Variants in GRAMD1A observed in about 807,000 individuals in gnomAD.
The protein encoded by GRAMD1A is protein Aster-A.
Under a neutral mutation model 92.0 loss-of-function variants are expected in GRAMD1A, and 50 were observed. The observed-to-expected ratio is 0.54, with a 90% CI of 0.43 to 0.69. GRAMD1A has a LOEUF of 0.69. Ranked by LOEUF, GRAMD1A falls within the 30% of genes least tolerant of loss-of-function variation. The pLI is 0.00. For synonymous variants in GRAMD1A, 405 were observed against 403.6 expected (o/e 1.00, Z -0.04); for missense variants, 819 against 978.9 (o/e 0.84, Z 2.18).
chr19:35,013,661 T>G lies in GRAMD1A; in HGVS notation c.840T>G (p.Leu280=), dbSNP rs755955235. The G allele has an allele frequency of 2.5e-6, 4 of 1,612,656 alleles. No homozygotes were observed. The highest frequency in any genetic ancestry group is 3.4e-6 in the Non-Finnish European group (4 of 1,179,426). Residue 280 remains leucine (L), a synonymous_variant, in exon 9 of 20, where the codon CTT becomes CTG. Coordinates refer to ENST00000317991, the MANE Select transcript of GRAMD1A (RefSeq NM_020895.5). This position sits in a 1 kb window ranked among gnomAD's most constrained non-coding sequence, Gnocchi z 4.9. ...GSRRGHVTPN[L]SRASSDADHG... is the part of the protein sequence containing the mutation. ...GCCGTGGCCATGTCACGCCCAACCTTTCCCGAGCCAGCAGCGACGCAGACC... is the reference window on the plus strand; with the variant it reads ...GCCGTGGCCATGTCACGCCCAACCTGTCCCGAGCCAGCAGCGACGCAGACC...
chr19:35,006,080 C>A, intron 1 of GRAMD1A: 1 of 425,108 alleles, frequency 2.4e-6, no homozygotes, highest in Non-Finnish European at 4.8e-6. Flanking sequence ...AATCTCCTAG[C>A]ACTTTGGGAT....
intron 1 of GRAMD1A, among the ~76,000 whole-genome samples, chr19:35,008,742 A>T (rs1168780174): frequency 2.6e-5 from 4 of 152,276 alleles, no homozygotes; most frequent in African/African-American, 9.6e-5. Flanking sequence ...AGTTGAACCC[A>T]GGAGGCAGAG....
rs1215923698 is a variant in GRAMD1A, at chr19:35,021,731, A to C, written c.1620A>C (p.Glu540Asp). The C allele has an allele frequency of 6.2e-7, 1 of 1,613,970 alleles. No individual in the cohort carries two copies. The highest frequency in any genetic ancestry group is 1.7e-5 in the Admixed American group (1 of 60,014). ...AGGCTGAGAAGCTGTCTCTGGAGGA[A>C]GGCGGGAAGGATGCCCGGGGCTTGC... ...LAKAEKLSLE[E>D]GGKDARGLLS... Residue 540 changes from glutamate (E) to aspartate (D), a missense_variant, in exon 15 of 20, where the codon GAA (glutamate) becomes GAC (aspartate). Physicochemically the swap from Glu to Asp is conservative, Grantham distance 45. This residue lies in a region of GRAMD1A where 577 missense variants were observed against 674.6 expected (regional missense o/e 0.86). Coordinates refer to ENST00000317991, the MANE Select transcript of GRAMD1A (RefSeq NM_020895.5). The surrounding 1 kb of genome is among the most constrained non-coding windows in gnomAD (Gnocchi z 5.3).
At position 35,021,359 on chromosome 19, in the gene GRAMD1A, G is replaced by C. The variant is rs1185017528; in HGVS notation, c.1476-143G>C. 9.1e-6 allele frequency: 6 copies of C among 656,898 alleles called. No individual in the cohort carries two copies. Among genetic ancestry groups the C allele is most frequent in the Admixed American group, 4.6e-5 (2 of 43,788 alleles). The allele number at this position is 656,898 out of a possible 1,614,324, so 40.7% of individuals were successfully genotyped here. On this transcript the variant is annotated intron_variant, in intron 13 of 19. Transcript: ENST00000317991. This position sits in a 1 kb window ranked among gnomAD's most constrained non-coding sequence, Gnocchi z 5.3. ...TATGGGGTATCCAGGGAAGCCATGGGGGGTAGGGAACCCATCTGTTTTGTC... is the reference window on the plus strand; with the variant it reads ...TATGGGGTATCCAGGGAAGCCATGGCGGGTAGGGAACCCATCTGTTTTGTC...
chr19:35,022,788 G>A lies in GRAMD1A; in HGVS notation c.1842-112G>A, dbSNP rs1033892942. 24 of 1,074,742 alleles carry A rather than the reference G, an allele frequency of 2.2e-5. 1 individual carries two copies. In the South Asian group the frequency reaches 3.4e-4, roughly 15 times the overall value. 66.6% of individuals were successfully genotyped at this position (1,074,742 alleles called of 1,614,324 possible). On this transcript the variant is annotated intron_variant, in intron 16 of 19. Transcript: ENST00000317991. ...TCAGCTCTCAGCTCTCATCCAGTGA[G>A]GGGGCGTGGTGCTCTCAGCCAAGAG... is the stretch of plus-strand genomic sequence containing the variant.
intron 1 of GRAMD1A, among the ~76,000 whole-genome samples, chr19:35,008,636 T>C (rs1600288760): frequency 1.3e-5 from 2 of 152,158 alleles, no homozygotes; most frequent in Non-Finnish European, 2.9e-5. Context: ...CCAGCCAACA[T>C]GGTTAAACCC....
Position 35,009,317 on chromosome 19 carries a change from C to G in GRAMD1A, c.207C>G (p.Ile69Met), listed in dbSNP as rs1332263654. Residue 69 changes from isoleucine (I) to methionine (M), a missense_variant, in exon 2 of 20, where the codon ATC (isoleucine) becomes ATG (methionine). Physicochemically the swap from Ile to Met is conservative, Grantham distance 10 (BLOSUM62 1). Around this residue, in one of 3 missense-constraint regions of GRAMD1A, gnomAD observed 144 missense variants for 220.3 expected, o/e 0.65. Coordinates refer to ENST00000317991, the MANE Select transcript of GRAMD1A (RefSeq NM_020895.5). ...STQSLGSRNF[I>M]RNSKKMQSWY... is the part of the protein sequence containing the mutation. ...AGAGCCTAGGCAGCCGGAACTTCAT[C>G]CGCAACAGCAAGGTTGGTGCAAGCC... 1 of 1,613,952 alleles carries G rather than the reference C, an allele frequency of 6.2e-7. No homozygotes were observed. Among genetic ancestry groups the G allele is most frequent in the Admixed American group, 1.7e-5 (1 of 60,018 alleles).
chr19:35,022,764 C>A, intron 16 of GRAMD1A, 136 bp from the exon 17 acceptor site: 1 of 716,116 alleles, frequency 1.4e-6, no homozygotes, highest in Non-Finnish European at 2.1e-6. Flanking sequence ...CTCTGAGCCT[C>A]AGCTCTCAGC....
chr19:35,003,955 A>G (rs554364525), intron 1 of GRAMD1A, among the ~76,000 whole-genome samples: 2 of 152,374 alleles, frequency 1.3e-5, no homozygotes, highest in East Asian at 3.9e-4. Context: ...GGTTGGGCAC[A>G]GTGGCTCATG....
Position 35,019,325 on chromosome 19 carries a change from C to A in GRAMD1A, c.1332+16C>A, listed in dbSNP as rs777700375. 10 of 1,611,856 alleles carry A rather than the reference C, an allele frequency of 6.2e-6. No homozygotes were observed. The South Asian group carries it at 9.9e-5, about 16-fold the overall frequency. ...GGAGACACAGGTGGGCCAGGTGGGG[C>A]AGCCGAGTGGGTGGGGCAGCTGGGT... On this transcript the variant is annotated intron_variant, in intron 12 of 19. Coordinates refer to ENST00000317991, the MANE Select transcript of GRAMD1A (RefSeq NM_020895.5).
At chr19:35,007,127 G>A (rs939887742) in intron 1 of GRAMD1A, among the ~76,000 whole-genome samples, 3 of 152,174 alleles carry the variant, frequency 2.0e-5, no homozygotes, top group South Asian at 2.1e-4. Flanking sequence ...GGAGTGAGGT[G>A]CACCCAGGGC....
At chr19:35,019,613 G>A in intron 13 of GRAMD1A, 80 bp downstream of exon 13, 1 of 1,381,998 alleles carries the variant, frequency 7.2e-7, no homozygotes. Context: ...CAGCAGCAGA[G>A]CCTTGGTTCC....
At position 35,022,543 on chromosome 19, in the gene GRAMD1A, G is replaced by A. The variant is rs577350411; in HGVS notation, c.1842-357G>A. On this transcript the variant is annotated intron_variant, in intron 16 of 19. Coordinates refer to ENST00000317991, the MANE Select transcript of GRAMD1A (RefSeq NM_020895.5). ...GTGGGGAAGCCCTGGGAGGCCAGCGGCGGCTTCCTCCCAGGCCAGAGGGGG... is the reference window on the plus strand; with the variant it reads ...GTGGGGAAGCCCTGGGAGGCCAGCGACGGCTTCCTCCCAGGCCAGAGGGGG... 2.1e-5 allele frequency among the ~76,000 whole-genome samples: 3 copies of A among 145,602 alleles called. No homozygotes were observed. The South Asian group carries it at 6.5e-4, about 31-fold the overall frequency.
At chr19:35,023,135 T>C in intron 17 of GRAMD1A, 101 bp from the exon 18 acceptor site, 1 of 890,362 alleles carries the variant, frequency 1.1e-6, no homozygotes, top group Non-Finnish European at 1.9e-6. Flanking sequence ...ATTCTCCTCC[T>C]CTGCAATGGG....
At chr19:34,996,133 C>T, upstream of GRAMD1A, 3 of 1,536,078 alleles carry the variant, frequency 2.0e-6, no homozygotes, top group Non-Finnish European at 2.6e-6. Flanking sequence ...CACAGGGTGA[C>T]AGGGCCCAGG....
At chr19:35,025,932 G>C (rs1306762605) in intron 19 of GRAMD1A, 117 bp from the exon 20 acceptor site, 1 of 685,502 alleles carries the variant, frequency 1.5e-6, no homozygotes, top group Non-Finnish European at 2.7e-6. Context: ...GGACCCTGGG[G>C]TGGGGCAGTA....
At chr19:35,001,523 G>A (rs1488017242) in intron 1 of GRAMD1A, among the ~76,000 whole-genome samples, 1 of 152,088 alleles carries the variant, frequency 6.6e-6, no homozygotes, top group African/African-American at 2.4e-5. Context: ...TTAGTGGTGT[G>A]TGTACAAGTG....
Position 35,010,628 on chromosome 19 carries a change from A to G in GRAMD1A, c.525+249A>G, listed in dbSNP as rs1205430420. The stretch of plus-strand genomic sequence containing the variant: ...CAGAAATAGTAAAACTCTTCCATGT[A>G]TGTGGCACCTCAGCCGCCCCTCCCT... On this transcript the variant is annotated intron_variant, in intron 6 of 19. Transcript: ENST00000317991. 4 of 588,586 alleles carry G rather than the reference A, an allele frequency of 6.8e-6. No individual in the cohort carries two copies. In the East Asian group the frequency reaches 1.1e-4, roughly 17 times the overall value. The allele number at this position is 588,586 out of a possible 1,614,324, so 36.5% of individuals were successfully genotyped here. A position where few individuals can be genotyped will look rare whatever the true frequency, so the allele number is the denominator to read the frequency against.
chr19:35,002,244 G>A (rs931069054), intron 1 of GRAMD1A, among the ~76,000 whole-genome samples: 1 of 152,022 alleles, frequency 6.6e-6, no homozygotes, highest in African/African-American at 2.4e-5. Flanking sequence ...AGTATAGCAT[G>A]TGCCACGCAT....
Sources: allele counts gnomAD v4.1 joint callset (sites outside exome capture counted in the v4.1 genomes callset), GRCh38; gene constraint gnomAD v4.1.1; regional missense constraint gnomAD v4.1.1; non-coding constraint Gnocchi (gnomAD v3.1); transcripts MANE v1.5; gene names NCBI Gene and HGNC (gene_info 2026-07-23, HGNC 2026-07-21).